ZNF33A: variants seen among roughly 807,000 people sequenced by gnomAD.
The protein encoded by ZNF33A is zinc finger protein 33A.
In ZNF33A, 9 loss-of-function variants were observed where a neutral mutation model predicts 15.9. The observed-to-expected ratio is 0.57, with a 90% CI of 0.34 to 0.99. ZNF33A has a LOEUF of 0.99. Ranked by LOEUF, ZNF33A falls within the 50% of genes least tolerant of loss-of-function variation. The pLI is 0.02. For synonymous variants in ZNF33A, 294 were observed against 324.2 expected (o/e 0.91, Z 1.00); for missense variants, 843 against 941.6 (o/e 0.90, Z 1.37).
rs374872424 is a variant in ZNF33A at position 38,032,771 on chromosome 10, A to G, written c.250+15385A>G. Among the ~76,000 whole-genome samples, 17 of 150,660 alleles carry G rather than the reference A, an allele frequency of 1.1e-4. No individual in the cohort carries two copies. In the East Asian group the frequency reaches 1.8e-3, roughly 16 times the overall value. On this transcript the variant is annotated intron_variant, in intron 4 of 4. Transcript: ENST00000432900. The stretch of plus-strand genomic sequence containing the variant: ...TTGCCGACAGTTGTTTTTTTGAGAC[A>G]GAATCTTACTCTGTCGCTCAGGCTG...
downstream of ZNF33A, chr10:38,064,142 G>T: frequency 6.3e-7 from 1 of 1,592,256 alleles, no homozygotes; most frequent in Non-Finnish European, 8.5e-7. Context: ...GGAAGAAGAG[G>T]ACTCTGCACT....
In ZNF33A at chr10:38,017,341, G is replaced by A. The variant is rs582502; in HGVS notation, c.205G>A (p.Glu69Lys). The change falls in exon 4 of 5, where the codon GAG becomes AAG. Residue 69 changes from glutamate (E) to lysine (K), a missense_variant. Transcript: ENST00000432900. Reference sequence around the variant, plus strand: ...GATCTTCAGGCTGCAACAAGGAGAAGAGCCATGGAAACAGGAGGAAGAATT... The same window carrying A: ...GATCTTCAGGCTGCAACAAGGAGAAAAGCCATGGAAACAGGAGGAAGAATT... ...EVIFRLQQGEEPWKQEEEFPS... is the reference protein window; with the variant it reads ...EVIFRLQQGEKPWKQEEEFPS... 1.9e-6 allele frequency: 3 copies of A among 1,614,098 alleles called. No individual in the cohort carries two copies. Among genetic ancestry groups the A allele is most frequent in the Non-Finnish European group, 2.5e-6 (3 of 1,179,974 alleles).
At chr10:38,011,575 C>CAAAAAAAAAAAAAAAA (rs558399540) in intron 1 of ZNF33A, among the ~76,000 whole-genome samples, 8 of 148,640 alleles carry the variant, frequency 5.4e-5, no homozygotes, top group Non-Finnish European at 1.2e-4. Flanking sequence ...AACTCCGTCT[C>CAAAAAAAAAAAAAAAA]AAAAAAAAAC....
At chr10:38,039,480 G>A (rs1335126490) in intron 4 of ZNF33A, 2 of 455,854 alleles carry the variant, frequency 4.4e-6, no homozygotes, top group Admixed American at 2.4e-5. Context: ...ACCTGCCTTG[G>A]CCTCCCAAAG....
intron 2 of ZNF33A, among the ~76,000 whole-genome samples, chr10:38,012,829 T>A (rs1162052616): frequency 6.6e-6 from 1 of 151,956 alleles, no homozygotes; most frequent in Non-Finnish European, 1.5e-5. Flanking sequence ...CAAGTTAGAG[T>A]CAATAAGTTG....
intron 4 of ZNF33A, among the ~76,000 whole-genome samples, chr10:38,031,782 G>A (rs2065223582): frequency 6.6e-6 from 1 of 151,700 alleles, no homozygotes; most frequent in Admixed American, 6.6e-5. Flanking sequence ...GGCCAACATG[G>A]TGAAACCCCA....
intron 4 of ZNF33A, among the ~76,000 whole-genome samples, chr10:38,052,079 T>G (rs562226635): frequency 6.6e-6 from 1 of 152,232 alleles, no homozygotes; most frequent in South Asian, 2.1e-4. Context: ...ATGACAAGGA[T>G]GTCCACCCAT....
At chr10:38,022,624 C>T (rs111414603) in intron 4 of ZNF33A, among the ~76,000 whole-genome samples, 2,120 of 141,778 alleles carry the variant, frequency 0.015, 54 homozygotes, top group African/African-American at 0.053. Flanking sequence ...CTCCATTGTA[C>T]TCTAGCCTGG....
chr10:38,031,287 A>G (rs1243895985), intron 4 of ZNF33A, among the ~76,000 whole-genome samples: 4 of 152,138 alleles, frequency 2.6e-5, no homozygotes, highest in Non-Finnish European at 5.9e-5. Context: ...AATTGTCTCC[A>G]GGCTGGGTGT....
intron 4 of ZNF33A, among the ~76,000 whole-genome samples, chr10:38,028,127 G>C (rs1162742181): frequency 6.6e-6 from 1 of 152,010 alleles, no homozygotes; most frequent in Non-Finnish European, 1.5e-5. Context: ...AAATAGTTGG[G>C]TGTGGTGGTA....
chr10:38,067,355 C>A (rs535970477), downstream of ZNF33A, among the ~76,000 whole-genome samples: 22 of 152,348 alleles, frequency 1.4e-4, no homozygotes, highest in South Asian at 4.6e-3. Context: ...GTATCCTAGA[C>A]TCCAGACTGC....
chr10:38,054,652 G>A lies in ZNF33A; in HGVS notation c.528G>A (p.Leu176=). Residue 176 remains leucine (L), a synonymous_variant, in exon 5 of 5, where the codon TTG becomes TTA. Coordinates refer to ENST00000432900, the MANE Select transcript of ZNF33A (RefSeq NM_006954.2). ...ATGAATTTAATGCCTGTGGGAAATT[G>A]TTACTCAATATTAAGCATGATGAAA... ...KSDEFNACGK[L]LLNIKHDETH... is the part of the protein sequence containing the mutation. 6.2e-7 allele frequency: 1 copy of A among 1,613,066 alleles called. No individual in the cohort carries two copies. The highest frequency in any genetic ancestry group is 8.5e-7 in the Non-Finnish European group (1 of 1,179,766).
At position 38,045,286 on chromosome 10, in the gene ZNF33A, G is replaced by C. The variant is rs141755244; in HGVS notation, c.251-9089G>C. On this transcript the variant is annotated intron_variant, in intron 4 of 4. Coordinates refer to ENST00000432900, the MANE Select transcript of ZNF33A (RefSeq NM_006954.2). The stretch of plus-strand genomic sequence containing the variant: ...TATCAGAGGGCTCCTCCTTGGAAAT[G>C]CACACTATCTTTGGGATGGCAGTGG... Among the ~76,000 whole-genome samples the C allele has an allele frequency of 3.5e-3, 529 of 152,260 alleles. 4 individuals carry two copies. Among genetic ancestry groups the C allele is most frequent in the African/African-American group, 0.012 (502 of 41,556 alleles).
chr10:38,050,863 C>T (rs2066170171), intron 4 of ZNF33A, among the ~76,000 whole-genome samples: 1 of 152,200 alleles, frequency 6.6e-6, no homozygotes, highest in South Asian at 2.1e-4. Flanking sequence ...TAAAAGCATA[C>T]TTGTGGACAT....
chr10:38,057,875 C>A lies in ZNF33A; in HGVS notation c.*1315C>A. The A allele has an allele frequency of 1.0e-6, 1 of 985,440 alleles. No homozygotes were observed. Among genetic ancestry groups the A allele is most frequent in the Non-Finnish European group, 1.2e-6 (1 of 829,948 alleles). 61.0% of individuals were successfully genotyped at this position (985,440 alleles called of 1,614,324 possible). A position where few individuals can be genotyped will look rare whatever the true frequency, so the allele number is the denominator to read the frequency against. On this transcript the variant is annotated 3_prime_UTR_variant, in exon 5 of 5. Transcript: ENST00000432900. ...GCCCAGGGCTGTTGGACTGTCATTTCAAGGCTCATTGTCCCCAGACAGGGA... is the reference window on the plus strand; with the variant it reads ...GCCCAGGGCTGTTGGACTGTCATTTAAAGGCTCATTGTCCCCAGACAGGGA...
At position 38,010,787 on chromosome 10, in the gene ZNF33A, A is replaced by G. The variant is rs1482093115; in HGVS notation, c.-45+4A>G. On this transcript the variant is annotated splice_donor_region_variant and intron_variant, in intron 1 of 4. Coordinates refer to ENST00000432900, the MANE Select transcript of ZNF33A (RefSeq NM_006954.2). The stretch of plus-strand genomic sequence containing the variant: ...TGCAACCCGACGAGGGAGTGGGGTA[A>G]GCCCCAGTGGGTTGGGCAGGGAGAG... The G allele has an allele frequency of 6.3e-7, 1 of 1,598,374 alleles. No homozygotes were observed. The highest frequency in any genetic ancestry group is 2.2e-5 in the East Asian group (1 of 44,858).
At chr10:38,048,137 C>G (rs2066040347) in intron 4 of ZNF33A, among the ~76,000 whole-genome samples, 1 of 152,250 alleles carries the variant, frequency 6.6e-6, no homozygotes, top group East Asian at 1.9e-4. Context: ...ATTTCCTCTC[C>G]AGCAGACCTG....
At chr10:38,015,598 G>A (rs2064415868) in intron 2 of ZNF33A, among the ~76,000 whole-genome samples, 1 of 152,120 alleles carries the variant, frequency 6.6e-6, no homozygotes, top group Admixed American at 6.5e-5. Context: ...TGAGATTACA[G>A]GTGTGAGCCA....
intron 4 of ZNF33A, among the ~76,000 whole-genome samples, chr10:38,052,138 A>T (rs12355396): frequency 0.037 from 5,578 of 152,206 alleles, 156 homozygotes; most frequent in Non-Finnish European, 0.057. Flanking sequence ...GAAGAAAAAG[A>T]AAGGAGATTA....
Sources: allele counts gnomAD v4.1 joint callset (sites outside exome capture counted in the v4.1 genomes callset), GRCh38; gene constraint gnomAD v4.1.1; transcripts MANE v1.5; gene names NCBI Gene and HGNC (gene_info 2026-07-23, HGNC 2026-07-21).